Variants in PREX2 observed in about 807,000 individuals in gnomAD.
PREX2 encodes phosphatidylinositol 3,4,5-trisphosphate-dependent Rac exchanger 2 protein.
A neutral mutation model predicts 203.2 loss-of-function variants in PREX2; 107 were observed. That is an observed-to-expected ratio of 0.53 (90% CI 0.45 to 0.62). The LOEUF (loss-of-function observed/expected upper bound fraction) is 0.62, where lower values mean the gene tolerates loss of function less well. Ranked by LOEUF, PREX2 falls within the 20% of genes least tolerant of loss-of-function variation. PREX2 has a pLI of 0.00. For synonymous variants in PREX2, 672 were observed against 663.6 expected (o/e 1.01, Z -0.19); for missense variants, 1,777 against 1,955.9 (o/e 0.91, Z 1.72).
In PREX2 at chr8:68,066,399, A is replaced by G. The variant is rs184757798; in HGVS notation, c.1340-2634A>G. Among the ~76,000 whole-genome samples, 3 of 152,160 alleles carry G rather than the reference A, an allele frequency of 2.0e-5. No individual in the cohort carries two copies. The East Asian group carries it at 5.8e-4, about 29-fold the overall frequency. ...TCACCAACACTTCTGTCTTTTTGAT[A>G]ATAGCCATCCTAAGAGGTGTGAGAT... is the stretch of plus-strand genomic sequence containing the variant. On this transcript the variant is annotated intron_variant, in intron 11 of 39. Transcript: ENST00000288368.
At chr8:67,971,490 C>T (rs1805927655) in intron 1 of PREX2, among the ~76,000 whole-genome samples, 1 of 152,066 alleles carries the variant, frequency 6.6e-6, no homozygotes, top group Non-Finnish European at 1.5e-5. Flanking sequence ...GAAATGAATA[C>T]ATGACATTAA....
intron 34 of PREX2, among the ~76,000 whole-genome samples, chr8:68,153,080 T>C (rs1331473349): frequency 6.6e-6 from 1 of 152,206 alleles, no homozygotes; most frequent in Non-Finnish European, 1.5e-5. Context: ...AACATTATTA[T>C]GTATCACACG....
chr8:68,000,872 G>A (rs1218766256), intron 1 of PREX2, among the ~76,000 whole-genome samples: 1 of 152,144 alleles, frequency 6.6e-6, no homozygotes. Context: ...TTCAATAAAT[G>A]GTGCTAGGAT....
intron 34 of PREX2, among the ~76,000 whole-genome samples, chr8:68,149,086 G>T (rs1286675260): frequency 1.3e-5 from 2 of 152,112 alleles, no homozygotes; most frequent in Non-Finnish European, 1.5e-5. Flanking sequence ...TAGAAGAAAT[G>T]GATGAATTTG....
At chr8:68,167,190 A>G (rs1470971760) in intron 35 of PREX2, among the ~76,000 whole-genome samples, 11 of 152,114 alleles carry the variant, frequency 7.2e-5, no homozygotes, top group Admixed American at 6.5e-4. Context: ...GTCCTGCTCA[A>G]AGCGCTTTAG....
At chr8:68,195,368 C>T (rs1812374057) in intron 37 of PREX2, among the ~76,000 whole-genome samples, 1 of 152,164 alleles carries the variant, frequency 6.6e-6, no homozygotes, top group South Asian at 2.1e-4. Flanking sequence ...GAGACATTTA[C>T]CAAGCTGTAG....
At chr8:68,095,637 CA>C (rs1810046083) in intron 21 of PREX2, among the ~76,000 whole-genome samples, 1 of 105,288 alleles carries the variant, frequency 9.5e-6, no homozygotes, top group African/African-American at 3.9e-5. Flanking sequence ...CTTTCCTTTC[CA>C]TTTTTTTTTT....
intron 8 of PREX2, among the ~76,000 whole-genome samples, chr8:68,045,391 G>A (rs1808322174): frequency 6.6e-6 from 1 of 152,068 alleles, no homozygotes; most frequent in African/African-American, 2.4e-5. Flanking sequence ...ATACATGTGG[G>A]ATTGGGACAC....
In PREX2 at chr8:68,097,102, A is replaced by G. The variant is rs1810104797; in HGVS notation, c.2454A>G (p.Glu818=). 2 of 1,613,844 alleles carry G rather than the reference A, an allele frequency of 1.2e-6. No individual in the cohort carries two copies. The highest frequency in any genetic ancestry group is 1.3e-5 in the African/African-American group (1 of 74,900). The change falls in exon 22 of 40, where the codon GAA becomes GAG. Residue 818 remains glutamate (E), a synonymous_variant. Transcript: ENST00000288368. ...VSLTVDNVHL[E]YGVVYEYDST... ...TGACAGTGGACAATGTCCACCTGGA[A>G]TATGGTGTCGTGTATGAGTACGACA...
chr8:68,048,587 T>G (rs1055987971), intron 8 of PREX2, among the ~76,000 whole-genome samples: 2 of 152,080 alleles, frequency 1.3e-5, no homozygotes, highest in Non-Finnish European at 2.9e-5. Flanking sequence ...TACATTTTTT[T>G]TATAAAATTA....
rs1045977520 is a variant in PREX2, at chr8:68,057,201, G to A, written c.1238+1227G>A. On this transcript the variant is annotated intron_variant, in intron 10 of 39. Coordinates refer to ENST00000288368, the MANE Select transcript of PREX2 (RefSeq NM_024870.4). The stretch of plus-strand genomic sequence containing the variant: ...ATAAGGGGCTCTTCCTCCTTCACTC[G>A]CCTTCTCTCACCTGCTGCCGTGTAA... Among the ~76,000 whole-genome samples the A allele has an allele frequency of 1.1e-4, 17 of 152,032 alleles. 1 individual carries two copies. The highest frequency in any genetic ancestry group is 2.9e-4 in the African/African-American group (12 of 41,392).
Position 68,083,299 on chromosome 8 carries a change from G to A in PREX2, c.1938G>A (p.Met646Ile). 6.2e-7 allele frequency: 1 copy of A among 1,610,466 alleles called. No homozygotes were observed. Among genetic ancestry groups the A allele is most frequent in the Non-Finnish European group, 8.5e-7 (1 of 1,177,434 alleles). The change falls in exon 18 of 40, where the codon ATG becomes ATA. Residue 646 changes from methionine to isoleucine, a missense_variant. Transcript: ENST00000288368. Reference sequence around the variant, plus strand: ...CTATTAATGGTGACCTAGTTTTTATGAGACCTTTCAATGAAGTGGATTGCT... The same window carrying A: ...CTATTAATGGTGACCTAGTTTTTATAAGACCTTTCAATGAAGTGGATTGCT... ...IFAINGDLVF[M>I]RPFNEVDCFL...
chr8:67,985,597 C>T (rs1268373266), intron 1 of PREX2, among the ~76,000 whole-genome samples: 1 of 152,118 alleles, frequency 6.6e-6, no homozygotes, highest in Non-Finnish European at 1.5e-5. Flanking sequence ...GGAAAATGAT[C>T]ATTTCTTCTG....
chr8:68,064,204 A>G (rs1157313399), intron 11 of PREX2, among the ~76,000 whole-genome samples: 2 of 152,170 alleles, frequency 1.3e-5, no homozygotes, highest in Admixed American at 1.3e-4. Flanking sequence ...TATCTTATTA[A>G]TATTATATCC....
At chr8:68,057,105 G>A (rs1808701488) in intron 10 of PREX2, among the ~76,000 whole-genome samples, 2 of 152,238 alleles carry the variant, frequency 1.3e-5, no homozygotes, top group South Asian at 2.1e-4. Context: ...GAAGTGATGG[G>A]ATCATGGGGG....
At chr8:68,201,267 C>CT (rs960856147) in intron 37 of PREX2, among the ~76,000 whole-genome samples, 2 of 151,804 alleles carry the variant, frequency 1.3e-5, no homozygotes, top group African/African-American at 2.4e-5. Flanking sequence ...AAATGATTCT[C>CT]TTTTTTTTGC....
At chr8:68,032,863 C>T (rs16934020) in intron 6 of PREX2, among the ~76,000 whole-genome samples, 4 of 151,972 alleles carry the variant, frequency 2.6e-5, no homozygotes, top group African/African-American at 4.8e-5. Context: ...AAGTTTTTGA[C>T]GTTAGGAGTC....
intron 1 of PREX2, among the ~76,000 whole-genome samples, chr8:67,984,131 CT>C (rs909073121): frequency 1.3e-5 from 2 of 152,182 alleles, no homozygotes; most frequent in African/African-American, 4.8e-5. Flanking sequence ...CTTAGTAAAG[CT>C]TTTCCACATC....
chr8:68,057,158 A>C (rs1167807731), intron 10 of PREX2, among the ~76,000 whole-genome samples: 1 of 152,052 alleles, frequency 6.6e-6, no homozygotes, highest in Non-Finnish European at 1.5e-5. Context: ...GTGAATTCTC[A>C]TGACATCTGA....
Sources: allele counts gnomAD v4.1 joint callset (sites outside exome capture counted in the v4.1 genomes callset), GRCh38; gene constraint gnomAD v4.1.1; transcripts MANE v1.5; gene names NCBI Gene and HGNC (gene_info 2026-07-23, HGNC 2026-07-21).